Variants in SHISA9 observed in about 807,000 individuals in gnomAD.
The protein encoded by SHISA9 is shisa family member 9, also known as protein shisa-9.
A neutral mutation model predicts 38.0 loss-of-function variants in SHISA9; 13 were observed. That is an observed-to-expected ratio of 0.34 (90% CI 0.22 to 0.54). The LOEUF (loss-of-function observed/expected upper bound fraction) is 0.54. Ranked by LOEUF, SHISA9 falls within the 20% of genes least tolerant of loss-of-function variation. SHISA9 has a pLI of 0.91. For synonymous variants in SHISA9, 275 were observed against 242.0 expected, an observed-to-expected ratio of 1.14 and a Z score of -1.27; for missense variants, 538 against 575.8, an observed-to-expected ratio of 0.93 and a Z score of 0.67.
In SHISA9 at chr16:12,955,550, A is replaced by C. The variant is rs61399285; in HGVS notation, c.691+38735A>C. Among the ~76,000 whole-genome samples the C allele has an allele frequency of 7.2e-3, 1,100 of 152,230 alleles. 22 individuals are homozygous for C. Among genetic ancestry groups the C allele is most frequent in the African/African-American group, 0.025 (1,025 of 41,508 alleles). On this transcript the variant is annotated intron_variant, in intron 2 of 4. Coordinates refer to ENST00000558583, the MANE Select transcript of SHISA9 (RefSeq NM_001145204.3). ...AAAATGTGAGCATGGTACTGGTACA[A>C]AAATAGATACACAGATCAATAGAAC...
At chr16:13,091,619 G>A (rs1001101259) in intron 2 of SHISA9, among the ~76,000 whole-genome samples, 1 of 152,102 alleles carries the variant, frequency 6.6e-6, no homozygotes, top group African/African-American at 2.4e-5. Context: ...CATGTGTCAC[G>A]AAGTTCTCAT....
intron 2 of SHISA9, among the ~76,000 whole-genome samples, chr16:13,030,698 G>C (rs1434506386): frequency 1.3e-5 from 2 of 152,172 alleles, no homozygotes; most frequent in African/African-American, 4.8e-5. Flanking sequence ...ACCTCTTGTA[G>C]ACCACAGGCA....
chr16:13,361,645 T>C, the SHISA9 span, among the ~76,000 whole-genome samples: 1 of 152,192 alleles, frequency 6.6e-6, no homozygotes, highest in African/African-American at 2.4e-5. Flanking sequence ...ATCTTTTTCC[T>C]AATTACAGAG....
the SHISA9 span, among the ~76,000 whole-genome samples, chr16:13,280,794 T>A: frequency 6.6e-6 from 1 of 151,642 alleles, no homozygotes; most frequent in Admixed American, 6.6e-5. Context: ...ATTATAACTA[T>A]AAAGCTCTTA....
the SHISA9 span, among the ~76,000 whole-genome samples, chr16:13,531,600 C>T: frequency 6.6e-6 from 1 of 152,152 alleles, no homozygotes; most frequent in South Asian, 2.1e-4. Context: ...TTTGGCCTCC[C>T]TTTCTCCCTC....
the SHISA9 span, among the ~76,000 whole-genome samples, chr16:13,362,538 C>T: frequency 2.0e-5 from 3 of 152,120 alleles, no homozygotes. Flanking sequence ...CTGAACTGGA[C>T]TTTGAAGGAT....
In SHISA9 at chr16:13,144,248, G is replaced by A. The variant is rs148424823; in HGVS notation, c.692-59146G>A. Among the ~76,000 whole-genome samples the A allele has an allele frequency of 6.6e-3, 1,001 of 151,610 alleles. 2 individuals carry two copies. Among genetic ancestry groups the A allele is most frequent in the Non-Finnish European group, 0.01 (699 of 67,936 alleles). ...GCTCACTGCAACCTCTGTCTCCTGG[G>A]TTCAAGAGATTCTCCTGCCTCAGCC... is the stretch of plus-strand genomic sequence containing the variant. On this transcript the variant is annotated intron_variant, in intron 2 of 4. Transcript: ENST00000558583.
At chr16:12,958,572 T>C (rs2071866845) in intron 2 of SHISA9, among the ~76,000 whole-genome samples, 1 of 152,234 alleles carries the variant, frequency 6.6e-6, no homozygotes, top group South Asian at 2.1e-4. Context: ...CATGCTCTGT[T>C]GTCAGGACAG....
At chr16:12,992,967 G>A (rs78539425) in intron 2 of SHISA9, among the ~76,000 whole-genome samples, 3,352 of 152,290 alleles carry the variant, frequency 0.022, 116 homozygotes, top group African/African-American at 0.076. Flanking sequence ...GGAAGATTAC[G>A]TCAAACTTCT....
At chr16:13,407,307 G>A in the SHISA9 span, among the ~76,000 whole-genome samples, 1 of 152,152 alleles carries the variant, frequency 6.6e-6, no homozygotes, top group East Asian at 1.9e-4. Flanking sequence ...GTGGCAGAGA[G>A]AGACAGCGCT....
chr16:13,360,613 A>G, the SHISA9 span, among the ~76,000 whole-genome samples: 1 of 146,546 alleles, frequency 6.8e-6, no homozygotes, highest in African/African-American at 2.8e-5. Flanking sequence ...TTGTCAGTCA[A>G]TTAAACCTCT....
intron 2 of SHISA9, among the ~76,000 whole-genome samples, chr16:13,017,063 A>C (rs2141859684): frequency 6.7e-6 from 1 of 148,994 alleles, no homozygotes; most frequent in South Asian, 2.1e-4. Flanking sequence ...TCTGTCACCC[A>C]GGCTGGAGTG....
At chr16:13,106,724 G>T (rs2073928664) in intron 2 of SHISA9, among the ~76,000 whole-genome samples, 1 of 152,040 alleles carries the variant, frequency 6.6e-6, no homozygotes, top group Admixed American at 6.6e-5. Flanking sequence ...GCCTTCTCTG[G>T]GACTTTGGCT....
the SHISA9 span, among the ~76,000 whole-genome samples, chr16:13,389,936 T>C: frequency 6.6e-6 from 1 of 152,124 alleles, no homozygotes; most frequent in Non-Finnish European, 1.5e-5. Flanking sequence ...TGCTCTCCAT[T>C]CTCCATTCTT....
chr16:13,470,721 G>C, the SHISA9 span, among the ~76,000 whole-genome samples: 5 of 152,092 alleles, frequency 3.3e-5, no homozygotes, highest in African/African-American at 1.2e-4. Flanking sequence ...ATACATTAAA[G>C]GCTCTGAAAA....
chr16:13,129,766 G>A (rs1475500707), intron 2 of SHISA9, among the ~76,000 whole-genome samples: 2 of 152,100 alleles, frequency 1.3e-5, no homozygotes, highest in African/African-American at 4.8e-5. Context: ...GGGGAAGTCT[G>A]ACCTCTAGAC....
At position 13,134,587 on chromosome 16, in the gene SHISA9, G is replaced by A. The variant is rs544811623; in HGVS notation, c.692-68807G>A. ...GAAGGGAAATGGGTTTGATGTGGCC[G>A]GAGCAAAGGTGAGGTGGAGGTGAGT... On this transcript the variant is annotated intron_variant, in intron 2 of 4. Coordinates refer to ENST00000558583, the MANE Select transcript of SHISA9 (RefSeq NM_001145204.3). Among the ~76,000 whole-genome samples, 33 of 152,210 alleles carry A rather than the reference G, an allele frequency of 2.2e-4. No individual in the cohort carries two copies. In the East Asian group the frequency reaches 4.4e-3, roughly 21 times the overall value.
chr16:13,229,824 G>A (rs1032741881), intron 4 of SHISA9, among the ~76,000 whole-genome samples: 1 of 152,180 alleles, frequency 6.6e-6, no homozygotes, highest in Non-Finnish European at 1.5e-5. Context: ...AATGAGGGAG[G>A]CAATATCTCA....
At chr16:13,163,637 C>T (rs769731422) in intron 2 of SHISA9, among the ~76,000 whole-genome samples, 1 of 152,002 alleles carries the variant, frequency 6.6e-6, no homozygotes, top group Admixed American at 6.6e-5. Context: ...CATATTTCTA[C>T]ATTTATTTAG....
Sources: allele counts gnomAD v4.1 joint callset (sites outside exome capture counted in the v4.1 genomes callset), GRCh38; gene constraint gnomAD v4.1.1; transcripts MANE v1.5; gene names NCBI Gene and HGNC (gene_info 2026-07-23, HGNC 2026-07-21).